ZHX3: variants seen among roughly 807,000 people sequenced by gnomAD.
The protein encoded by ZHX3 is zinc fingers and homeoboxes 3.
A neutral mutation model predicts 64.5 loss-of-function variants in ZHX3; 20 were observed. The observed-to-expected ratio is 0.31, with a 90% CI of 0.22 to 0.45. The LOEUF (loss-of-function observed/expected upper bound fraction) is 0.45. Ranked by LOEUF, ZHX3 falls within the 20% of genes least tolerant of loss-of-function variation. The pLI is 1.00. For synonymous variants in ZHX3, 423 were observed against 461.6 expected, an observed-to-expected ratio of 0.92 and a Z score of 1.07; for missense variants, 1,041 against 1,195.8, an observed-to-expected ratio of 0.87 and a Z score of 1.91.
chr20:41,240,939 CA>C (rs1282540134), intron 2 of ZHX3, among the ~76,000 whole-genome samples: 1 of 152,166 alleles, frequency 6.6e-6, no homozygotes, highest in Non-Finnish European at 1.5e-5. Context: ...GGTTGCCTTC[CA>C]AATCTTGGCT....
rs143117682 is a variant in ZHX3, at chr20:41,204,643, A to T, written c.274T>A (p.Phe92Ile). The change falls in exon 3 of 4, where the codon TTT (phenylalanine) becomes ATT (isoleucine). Residue 92 changes from phenylalanine (F) to isoleucine (I), a missense_variant. Transcript: ENST00000683867. This position sits in a 1 kb window ranked among gnomAD's most constrained non-coding sequence, Gnocchi z 6.6. ...CDFRSHDMTQ[F>I]VGHMNSEHTD... ...TGCTCTGAGTTCATATGTCCCACAA[A>T]TTGGGTCATGTCATGGGATCTGAAA... The T allele has an allele frequency of 6.2e-6, 10 of 1,614,128 alleles. No individual in the cohort carries two copies. In the African/African-American group the frequency reaches 1.1e-4, roughly 17 times the overall value.
chr20:41,218,923 G>GTTTTTTT (rs888061526), intron 2 of ZHX3, among the ~76,000 whole-genome samples: 13 of 92,576 alleles, frequency 1.4e-4, no homozygotes, highest in African/African-American at 2.6e-4. Flanking sequence ...AAACAGTGCT[G>GTTTTTTT]TTTTTTTTTT....
At chr20:41,266,247 C>T (rs2042839224) in intron 2 of ZHX3, among the ~76,000 whole-genome samples, 1 of 152,136 alleles carries the variant, frequency 6.6e-6, no homozygotes, top group South Asian at 2.1e-4. Context: ...TAGGTAGAAG[C>T]AGAGTGGCAG....
At position 41,196,576 on chromosome 20, in the gene ZHX3, AAT is replaced by A. The variant is rs1404137696; in HGVS notation, c.2860+5479_2860+5480del. The A allele has an allele frequency of 5.7e-3, 527 of 93,212 alleles. 8 individuals carry two copies. The highest frequency in any genetic ancestry group is 0.021 in the African/African-American group (505 of 23,668). The allele number at this position is 93,212 out of a possible 1,614,324, so 5.8% of individuals were successfully genotyped here. A position where few individuals can be genotyped will look rare whatever the true frequency, so the allele number is the denominator to read the frequency against. On this transcript the variant is annotated intron_variant, in intron 3 of 3. Coordinates refer to ENST00000683867, the MANE Select transcript of ZHX3 (RefSeq NM_001384317.1). ...ATATATTATATATAATATATATAAA[AAT>A]ATATATATTTATATATATAAATATT...
chr20:41,243,762 TATC>T (rs1337356517), intron 2 of ZHX3, among the ~76,000 whole-genome samples: 1 of 152,106 alleles, frequency 6.6e-6, no homozygotes, highest in Non-Finnish European at 1.5e-5. Flanking sequence ...AGAAAGAACA[TATC>T]ATGTTGAAGG....
At chr20:41,296,751 C>T (rs2044550239) in intron 1 of ZHX3, among the ~76,000 whole-genome samples, 1 of 152,150 alleles carries the variant, frequency 6.6e-6, no homozygotes, top group Non-Finnish European at 1.5e-5. Flanking sequence ...ATGCTAAGTC[C>T]CAGAAAGAGA....
chr20:41,243,061 C>T (rs1007371113), intron 2 of ZHX3, among the ~76,000 whole-genome samples: 3 of 152,194 alleles, frequency 2.0e-5, no homozygotes, highest in African/African-American at 7.2e-5. Context: ...CTTCTGGGTA[C>T]CCAGGTCGGG....
intron 2 of ZHX3, among the ~76,000 whole-genome samples, chr20:41,218,346 GAGGCGGATGACTGCTTA>G (rs1196895170): frequency 6.6e-6 from 1 of 152,088 alleles, no homozygotes; most frequent in African/African-American, 2.4e-5. Flanking sequence ...TTGGGAAGCT[GAGGCGGATGACTGCTTA>G]AGCCTGGGAG....
intron 2 of ZHX3, among the ~76,000 whole-genome samples, chr20:41,221,365 C>T (rs2039934079): frequency 6.6e-6 from 1 of 152,306 alleles, no homozygotes; most frequent in Admixed American, 6.5e-5. Context: ...AGCACCAGGA[C>T]TTGTACCAAA....
At chr20:41,283,573 A>G (rs1049050778) in intron 1 of ZHX3, among the ~76,000 whole-genome samples, 10 of 152,092 alleles carry the variant, frequency 6.6e-5, no homozygotes, top group Non-Finnish European at 1.2e-4. Flanking sequence ...CCTGGCTAAC[A>G]CAGTGAAACC....
chr20:41,203,308 C>T lies in ZHX3; in HGVS notation c.1609G>A (p.Glu537Lys). 6.2e-7 allele frequency: 1 copy of T among 1,614,204 alleles called. No homozygotes were observed. The highest frequency in any genetic ancestry group is 8.5e-7 in the Non-Finnish European group (1 of 1,180,036). Residue 537 changes from glutamate (E) to lysine (K), a missense_variant, in exon 3 of 4, where the codon GAG (glutamate) becomes AAG (lysine). Coordinates refer to ENST00000683867, the MANE Select transcript of ZHX3 (RefSeq NM_001384317.1). The surrounding 1 kb of genome is among the most constrained non-coding windows in gnomAD (Gnocchi z 7.1). The part of the protein sequence containing the change: ...LTKVTGLSTR[E>K]VRKWFSDRRY... Reference sequence around the variant, plus strand: ...CGATCACTGAACCATTTCCGCACCTCTCTGGTACTGAGGCCCGTCACTTTT... The same window carrying T: ...CGATCACTGAACCATTTCCGCACCTTTCTGGTACTGAGGCCCGTCACTTTT...
At chr20:41,215,402 A>G (rs1456152026) in intron 2 of ZHX3, among the ~76,000 whole-genome samples, 1 of 152,238 alleles carries the variant, frequency 6.6e-6, no homozygotes, top group African/African-American at 2.4e-5. Context: ...AATAGCCACT[A>G]TATTTCAGCA....
intron 2 of ZHX3, among the ~76,000 whole-genome samples, chr20:41,231,096 G>T (rs1035357804): frequency 1.2e-4 from 19 of 152,088 alleles, no homozygotes; most frequent in Non-Finnish European, 1.9e-4. Flanking sequence ...TTTTCAGAAT[G>T]TCATATAGTT....
chr20:41,314,027 G>A (rs1000306476), intron 1 of ZHX3, among the ~76,000 whole-genome samples: 2 of 152,144 alleles, frequency 1.3e-5, no homozygotes, highest in Non-Finnish European at 2.9e-5. Context: ...TGTGTTCAAG[G>A]AGATCCTTTT....
At chr20:41,238,288 A>C (rs755792244) in intron 2 of ZHX3, among the ~76,000 whole-genome samples, 3 of 152,222 alleles carry the variant, frequency 2.0e-5, no homozygotes, top group Non-Finnish European at 2.9e-5. Flanking sequence ...CATCCAAATA[A>C]AATTAATTAG....
intron 1 of ZHX3, among the ~76,000 whole-genome samples, chr20:41,314,442 A>T (rs1318465210): frequency 6.6e-6 from 1 of 152,252 alleles, no homozygotes; most frequent in Non-Finnish European, 1.5e-5. Context: ...AAACACATTA[A>T]AGCTATAATT....
intron 2 of ZHX3, among the ~76,000 whole-genome samples, chr20:41,241,176 T>C (rs1176460596): frequency 1.3e-5 from 2 of 152,194 alleles, no homozygotes; most frequent in African/African-American, 4.8e-5. Flanking sequence ...CATTTGTTAC[T>C]TATTGCCTGC....
At chr20:41,223,837 G>T (rs569387941) in intron 2 of ZHX3, among the ~76,000 whole-genome samples, 1 of 152,206 alleles carries the variant, frequency 6.6e-6, no homozygotes, top group East Asian at 1.9e-4. Flanking sequence ...AGCTAATGGC[G>T]TCAGAGTAGA....
chr20:41,308,965 T>TGAGAAGGAAG (rs2045054709), intron 1 of ZHX3, among the ~76,000 whole-genome samples: 2 of 152,210 alleles, frequency 1.3e-5, no homozygotes, highest in African/African-American at 4.8e-5. Flanking sequence ...CTTCTCAGCC[T>TGAGAAGGAAG]TTCTGAACAA....
Sources: gnomAD v4.1 joint callset for allele counts (sites outside exome capture counted in the v4.1 genomes callset) on GRCh38, gnomAD v4.1.1 for gene constraint, Gnocchi (gnomAD v3.1) non-coding constraint, MANE v1.5 for transcripts, NCBI Gene and HGNC (gene_info 2026-07-23, HGNC 2026-07-21) for gene names.